RNF19B: variants seen among roughly 807,000 people sequenced by gnomAD.
The protein encoded by RNF19B is E3 ubiquitin-protein ligase RNF19B.
Under a neutral mutation model 65.5 loss-of-function variants are expected in RNF19B, and 23 were observed. That is an observed-to-expected ratio of 0.35 (90% CI 0.25 to 0.50). The LOEUF (loss-of-function observed/expected upper bound fraction) is 0.50. RNF19B is among the 20% of genes least tolerant of loss of function. The pLI is 0.98. For synonymous variants in RNF19B, 372 were observed against 379.6 expected, an observed-to-expected ratio of 0.98 and a Z score of 0.23; for missense variants, 794 against 980.0, an observed-to-expected ratio of 0.81 and a Z score of 2.53.
intron 1 of RNF19B, among the ~76,000 whole-genome samples, chr1:32,953,901 CTTTTTT>C (rs1180002582): frequency 2.4e-5 from 2 of 84,212 alleles, no homozygotes; most frequent in South Asian, 4.2e-4. Flanking sequence ...GCCCCCACTT[CTTTTTT>C]TTTTTTTTTT....
rs543500550 is a variant in RNF19B, at chr1:32,948,402, C to T, written c.842-39G>A. ...GGGAAGAATGGGTAGAAAAAATACC[C>T]CTAGTTAAATCCAGTTTGATTTAAT... On this transcript the variant is annotated intron_variant, in intron 2 of 8. Coordinates refer to ENST00000235150, the MANE Select transcript of RNF19B (RefSeq NM_001300826.2). 7 of 1,600,200 alleles carry T rather than the reference C, an allele frequency of 4.4e-6. No homozygotes were observed. In the South Asian group the frequency reaches 7.8e-5, roughly 18 times the overall value.
chr1:32,949,287 A>C (rs886972196), intron 2 of RNF19B, among the ~76,000 whole-genome samples: 2 of 152,266 alleles, frequency 1.3e-5, no homozygotes, highest in Non-Finnish European at 2.9e-5. Context: ...CTAGCAAAAC[A>C]AAATGAACTA....
downstream of RNF19B, among the ~76,000 whole-genome samples, chr1:32,934,656 G>A (rs531671043): frequency 3.3e-5 from 5 of 152,190 alleles, no homozygotes; most frequent in South Asian, 1.0e-3. Flanking sequence ...ACTCCAGTCT[G>A]GGGGACAGAG....
chr1:32,948,189 C>G (rs1642411602), intron 3 of RNF19B, 33 bp downstream of exon 3: 4 of 1,607,552 alleles, frequency 2.5e-6, no homozygotes. Context: ...GAGAATGAGA[C>G]TACGAAAGGA....
At chr1:32,960,494 T>C (rs528935363) in intron 1 of RNF19B, among the ~76,000 whole-genome samples, 27 of 152,040 alleles carry the variant, frequency 1.8e-4, no homozygotes, top group Admixed American at 3.3e-4. Flanking sequence ...AAAGGAGCAG[T>C]GTGCAGTGGT....
At position 32,964,258 on chromosome 1, in the gene RNF19B, C is replaced by T; in HGVS notation, c.428G>A (p.Arg143Gln). ...RLLSCPHRSC[R>Q]DCLRHYLRLE... Reference sequence around the variant, plus strand: ...GCGCAGGTAGTGGCGGAGGCAGTCCCGGCACGAGCGGTGCGGACAGCTGAG... The same window carrying T: ...GCGCAGGTAGTGGCGGAGGCAGTCCTGGCACGAGCGGTGCGGACAGCTGAG... The change falls in exon 1 of 9, where the codon CGG becomes CAG. Residue 143 changes from arginine (R) to glutamine (Q), a missense_variant. Physicochemically the swap from Arg to Gln is conservative, Grantham distance 43. Around this residue, in one of 3 missense-constraint regions of RNF19B, gnomAD observed 374 missense variants for 423.8 expected, o/e 0.88. Transcript: ENST00000235150. This position sits in a 1 kb window ranked among gnomAD's most constrained non-coding sequence, Gnocchi z 6.5. The T allele has an allele frequency of 1.9e-6, 3 of 1,541,188 alleles. No homozygotes were observed. The South Asian group carries it at 3.6e-5, about 18-fold the overall frequency.
downstream of RNF19B, among the ~76,000 whole-genome samples, chr1:32,932,789 G>C (rs1428671942): frequency 2.0e-5 from 3 of 152,122 alleles, no homozygotes; most frequent in Admixed American, 1.3e-4. Context: ...AGCTGTCTTT[G>C]ACCTAATCCA....
At chr1:32,934,813 T>G (rs1009259949), downstream of RNF19B, among the ~76,000 whole-genome samples, 1 of 152,172 alleles carries the variant, frequency 6.6e-6, no homozygotes, top group Admixed American at 6.5e-5. Context: ...CTATACTGTA[T>G]ATAAGCTTTC....
intron 1 of RNF19B, among the ~76,000 whole-genome samples, chr1:32,952,512 G>A (rs1159919140): frequency 1.3e-5 from 2 of 151,008 alleles, no homozygotes; most frequent in Non-Finnish European, 2.9e-5. Flanking sequence ...GGACACTGAG[G>A]CAGGCAAGTC....
chr1:32,955,602 G>GGTGCATGCCTGTA (rs1195761698), intron 1 of RNF19B, among the ~76,000 whole-genome samples: 3 of 151,808 alleles, frequency 2.0e-5, no homozygotes, highest in East Asian at 1.9e-4. Flanking sequence ...TAGGCGTGGT[G>GGTGCATGCCTGTA]GTGCATGCCT....
Position 32,942,369 on chromosome 1 carries a change from G to A in RNF19B, c.1493C>T (p.Pro498Leu). The A allele has an allele frequency of 6.2e-7, 1 of 1,614,184 alleles. No individual in the cohort carries two copies. The highest frequency in any genetic ancestry group is 8.5e-7 in the Non-Finnish European group (1 of 1,180,030). Residue 498 changes from proline (P) to leucine (L), a missense_variant, in exon 7 of 9, where the codon CCT becomes CTT. Pro to Leu is a moderately conservative substitution (Grantham distance 98). Coordinates refer to ENST00000235150, the MANE Select transcript of RNF19B (RefSeq NM_001300826.2). ...LTSVLSTSGS[P>L]TDGLSVMQGP... ...TTGCATAACACTAAGTCCATCTGTA[G>A]GGCTTCCACTAGTGCTCAATACACT...
chr1:32,941,892 T>C (rs1642242404), intron 7 of RNF19B, among the ~76,000 whole-genome samples: 1 of 151,740 alleles, frequency 6.6e-6, no homozygotes, highest in African/African-American at 2.4e-5. Context: ...GGTCAGGAGA[T>C]TGAGACCATC....
chr1:32,964,697 G>C lies in RNF19B; in HGVS notation c.-12C>G, dbSNP rs1642867066. 1.4e-6 allele frequency: 2 copies of C among 1,450,092 alleles called. No individual in the cohort carries two copies. Among genetic ancestry groups the C allele is most frequent in the African/African-American group, 1.5e-5 (1 of 67,118 alleles). The allele number at this position is 1,450,092 out of a possible 1,614,324, so 89.8% of individuals were successfully genotyped here. ...TTCTCGGAGCCCATGGCCGGCAGAG[G>C]CCGAGGAGCCAGGGGCGCCCAGCGC... On this transcript the variant is annotated 5_prime_UTR_variant, in exon 1 of 9. Coordinates refer to ENST00000235150, the MANE Select transcript of RNF19B (RefSeq NM_001300826.2). The surrounding 1 kb of genome is among the most constrained non-coding windows in gnomAD (Gnocchi z 6.5).
intron 1 of RNF19B, among the ~76,000 whole-genome samples, chr1:32,959,900 A>AAT (rs1489417337): frequency 2.0e-5 from 3 of 150,778 alleles, no homozygotes; most frequent in Non-Finnish European, 3.0e-5. Context: ...AAAAAAAAAA[A>AAT]ATTAACCAGG....
At chr1:32,957,544 T>C (rs370747890) in intron 1 of RNF19B, among the ~76,000 whole-genome samples, 1 of 152,284 alleles carries the variant, frequency 6.6e-6, no homozygotes, top group East Asian at 1.9e-4. Flanking sequence ...TCTGAAAGTA[T>C]CTGTTGAAGC....
At chr1:32,938,210 G>A (rs777261099) in intron 8 of RNF19B, 187 bp downstream of exon 8, 63 of 420,914 alleles carry the variant, frequency 1.5e-4, no homozygotes, top group Non-Finnish European at 2.2e-4. Context: ...AAAATCAAGC[G>A]CTAACAAGAA....
At chr1:32,947,425 C>T (rs557840877) in intron 3 of RNF19B, among the ~76,000 whole-genome samples, 3 of 152,180 alleles carry the variant, frequency 2.0e-5, no homozygotes, top group East Asian at 1.9e-4. Flanking sequence ...TTTGGGAGGC[C>T]GAGGCAGGCG....
chr1:32,946,622 A>G, intron 3 of RNF19B, 58 bp from the exon 4 acceptor site: 2 of 1,469,600 alleles, frequency 1.4e-6, no homozygotes, highest in South Asian at 2.5e-5. Flanking sequence ...TAGTATTATC[A>G]TAGGGCTTGA....
At chr1:32,953,000 C>T (rs1642545902) in intron 1 of RNF19B, among the ~76,000 whole-genome samples, 1 of 144,072 alleles carries the variant, frequency 6.9e-6, no homozygotes, top group Non-Finnish European at 1.5e-5. Flanking sequence ...CAAGGTCCCA[C>T]TCTGTTGCCC....
Sources: gnomAD v4.1 joint callset for allele counts (sites outside exome capture counted in the v4.1 genomes callset) on GRCh38, gnomAD v4.1.1 for gene constraint, gnomAD v4.1.1 regional missense constraint, Gnocchi (gnomAD v3.1) non-coding constraint, MANE v1.5 for transcripts, NCBI Gene and HGNC (gene_info 2026-07-23, HGNC 2026-07-21) for gene names.